Variants in EXOC3L2 observed in about 807,000 individuals in gnomAD.
EXOC3L2 encodes exocyst complex component 3 like 2, also known as exocyst complex component 3-like protein 2.
Under a neutral mutation model 44.4 loss-of-function variants are expected in EXOC3L2, and 17 were observed. The observed-to-expected ratio is 0.38, with a 90% CI of 0.26 to 0.57. The LOEUF is 0.57. EXOC3L2 is among the 20% of genes least tolerant of loss of function. The pLI, the probability that EXOC3L2 is intolerant of heterozygous loss-of-function variation, is 0.65. For missense variants in EXOC3L2, 541 were observed against 588.4 expected (o/e 0.92, Z 0.83); for synonymous variants, 256 against 253.7 (o/e 1.01, Z -0.09).
chr19:45,226,756 T>C (rs991927916), intron 7 of EXOC3L2, among the ~76,000 whole-genome samples: 2 of 137,304 alleles, frequency 1.5e-5, no homozygotes, highest in African/African-American at 6.0e-5. Context: ...TCTTTTTTTT[T>C]TTTTTTTTTT....
chr19:45,240,016 T>G (rs1970118014), intron 1 of EXOC3L2, among the ~76,000 whole-genome samples: 1 of 152,048 alleles, frequency 6.6e-6, no homozygotes, highest in South Asian at 2.1e-4. Context: ...TCATTTCTCC[T>G]GTTTGATTTG....
intron 8 of EXOC3L2, among the ~76,000 whole-genome samples, chr19:45,219,536 C>A (rs1277577662): frequency 2.0e-5 from 3 of 152,078 alleles, no homozygotes; most frequent in Admixed American, 2.0e-4. Flanking sequence ...AAAACATGTT[C>A]CCCATCTGGA....
At chr19:45,236,181 T>A (rs1345054288) in intron 2 of EXOC3L2, among the ~76,000 whole-genome samples, 1 of 151,350 alleles carries the variant, frequency 6.6e-6, no homozygotes, top group Non-Finnish European at 1.5e-5. Flanking sequence ...ACATAAAGAT[T>A]GATGTGAAGG....
intron 4 of EXOC3L2, among the ~76,000 whole-genome samples, chr19:45,228,792 C>T (rs562387642): frequency 6.8e-6 from 1 of 146,468 alleles, no homozygotes; most frequent in East Asian, 2.1e-4. Flanking sequence ...ATAAAATAGG[C>T]TGGGCGCGGT....
At chr19:45,221,436 C>G (rs1599761826) in intron 8 of EXOC3L2, among the ~76,000 whole-genome samples, 1 of 152,016 alleles carries the variant, frequency 6.6e-6, no homozygotes, top group African/African-American at 2.4e-5. Flanking sequence ...ACTGCAACTT[C>G]TGCCTCCCAG....
At chr19:45,231,372 C>T (rs979331376) in intron 4 of EXOC3L2, among the ~76,000 whole-genome samples, 2 of 140,644 alleles carry the variant, frequency 1.4e-5, no homozygotes, top group Non-Finnish European at 3.0e-5. Flanking sequence ...CCTATGGTGC[C>T]AGCTACTGGA....
chr19:45,241,287 G>A (rs1970129042), intron 1 of EXOC3L2, among the ~76,000 whole-genome samples: 2 of 152,104 alleles, frequency 1.3e-5, no homozygotes, highest in East Asian at 1.9e-4. Context: ...TCAGGAGATC[G>A]AGATCATGGT....
Position 45,217,625 on chromosome 19 carries a change from C to T in EXOC3L2, c.1901G>A (p.Arg634His). 7 of 1,492,698 alleles carry T rather than the reference C, an allele frequency of 4.7e-6. No individual in the cohort carries two copies. The highest frequency in any genetic ancestry group is 6.2e-6 in the Non-Finnish European group (7 of 1,129,576). The allele number at this position is 1,492,698 out of a possible 1,614,324, so 92.5% of individuals were successfully genotyped here. Residue 634 changes from arginine to histidine, a missense_variant, in exon 10 of 12, where the codon CGT (arginine) becomes CAT (histidine). Coordinates refer to ENST00000413988, the MANE Select transcript of EXOC3L2 (RefSeq NM_001382422.1). ...ALVEYVRPLL[R>H]GRLRCSSART... ...CGCCGAGCTGCAGCGCAGGCGCCCA[C>T]GGAGCAGGGGCCGCACGTACTCGAC...
At chr19:45,226,774 A>T (rs189399) in intron 7 of EXOC3L2, among the ~76,000 whole-genome samples, 2,254 of 91,010 alleles carry the variant, frequency 0.025, 71 homozygotes, top group African/African-American at 0.13. Flanking sequence ...TTTTTTTGAG[A>T]CGGAGTCTCG....
At chr19:45,224,176 G>C (rs1180862413) in intron 8 of EXOC3L2, among the ~76,000 whole-genome samples, 3 of 150,654 alleles carry the variant, frequency 2.0e-5, no homozygotes, top group Non-Finnish European at 4.4e-5. Context: ...GGAGTGGGGG[G>C]AGGGTGGCGG....
intron 8 of EXOC3L2, among the ~76,000 whole-genome samples, chr19:45,219,809 G>A (rs1249708481): frequency 1.3e-5 from 2 of 152,182 alleles, no homozygotes; most frequent in African/African-American, 2.4e-5. Context: ...ATTGCACCTT[G>A]CAAATGCACC....
intron 4 of EXOC3L2, among the ~76,000 whole-genome samples, chr19:45,228,503 G>A (rs932335800): frequency 1.3e-5 from 2 of 152,068 alleles, no homozygotes; most frequent in Non-Finnish European, 2.9e-5. Context: ...TTGGCCAAGC[G>A]CGATGGCTCA....
chr19:45,244,767 G>A (rs375297975), intron 1 of EXOC3L2, among the ~76,000 whole-genome samples: 21 of 152,124 alleles, frequency 1.4e-4, no homozygotes, highest in Admixed American at 5.2e-4. Context: ...ATTAGAGAAC[G>A]GTCTTTCCAT....
intron 1 of EXOC3L2, among the ~76,000 whole-genome samples, chr19:45,241,066 T>C (rs1670034003): frequency 6.6e-6 from 1 of 152,056 alleles, no homozygotes; most frequent in Admixed American, 6.6e-5. Flanking sequence ...CAGTCTGCGC[T>C]CCCTCCTTTC....
At chr19:45,235,622 G>A (rs1970076688) in intron 2 of EXOC3L2, among the ~76,000 whole-genome samples, 1 of 152,158 alleles carries the variant, frequency 6.6e-6, no homozygotes. Flanking sequence ...CTCTGAGGCT[G>A]AAGGAGGGTC....
Position 45,218,291 on chromosome 19 carries a change from T to C in EXOC3L2, c.1748A>G (p.Lys583Arg), listed in dbSNP as rs1269123387. 2.5e-6 allele frequency: 4 copies of C among 1,607,526 alleles called. No individual in the cohort carries two copies. The highest frequency in any genetic ancestry group is 1.1e-5 in the South Asian group (1 of 90,234). The change falls in exon 9 of 12, where the codon AAG becomes AGG. Residue 583 changes from lysine to arginine, a missense_variant. Physicochemically the swap from Lys to Arg is conservative, Grantham distance 26. Transcript: ENST00000413988. ...CAGGGCCTCCGGGCTGCTCAGCCAC[T>C]TCCGGCGCATCAGCTTGTTGAAGTG... The part of the protein sequence containing the change: ...QPHFNKLMRR[K>R]WLSSPEALDG...
intron 11 of EXOC3L2, among the ~76,000 whole-genome samples, chr19:45,215,563 A>G (rs1969823663): frequency 6.6e-6 from 1 of 152,148 alleles, no homozygotes; most frequent in South Asian, 2.1e-4. Flanking sequence ...TACTATAGTC[A>G]TGGATGATGA....
intron 8 of EXOC3L2, among the ~76,000 whole-genome samples, chr19:45,223,046 A>G (rs1969915124): frequency 6.6e-6 from 1 of 152,120 alleles, no homozygotes; most frequent in South Asian, 2.1e-4. Context: ...TGAGCCCAGG[A>G]GTTCAAGACC....
chr19:45,239,216 CTTTTTTTT>C (rs34721897), intron 1 of EXOC3L2, among the ~76,000 whole-genome samples, 155 bp from the exon 2 acceptor site: 1 of 122,618 alleles, frequency 8.2e-6, no homozygotes, highest in East Asian at 2.2e-4. Flanking sequence ...AAGATGGGGA[CTTTTTTTT>C]TTTTTTTTTT....
Sources: allele counts gnomAD v4.1 joint callset (sites outside exome capture counted in the v4.1 genomes callset), GRCh38; gene constraint gnomAD v4.1.1; transcripts MANE v1.5; gene names NCBI Gene and HGNC (gene_info 2026-07-23, HGNC 2026-07-21).